CDH7: variants seen among roughly 807,000 people sequenced by gnomAD.
CDH7 encodes cadherin 7.
Under a neutral mutation model 71.8 loss-of-function variants are expected in CDH7, and 25 were observed. The ratio of observed to expected loss-of-function variants is 0.35; its 90% CI spans 0.25 to 0.49. The LOEUF (loss-of-function observed/expected upper bound fraction) is 0.49. Among genes scored for constraint, CDH7 ranks in the 20% least tolerant of loss-of-function variants. The pLI, the probability that CDH7 is intolerant of heterozygous loss-of-function variation, is 0.99. For synonymous variants in CDH7, 381 were observed against 363.8 expected (o/e 1.05, Z -0.54); for missense variants, 862 against 974.6 (o/e 0.88, Z 1.54).
At chr18:65,852,340 T>A (rs999775220) in intron 7 of CDH7, among the ~76,000 whole-genome samples, 6 of 152,180 alleles carry the variant, frequency 3.9e-5, no homozygotes, top group Non-Finnish European at 8.8e-5. Context: ...TATGCTTGCG[T>A]TAGTTAGAAA....
chr18:65,770,504 C>T (rs140233882), intron 2 of CDH7, among the ~76,000 whole-genome samples: 1,697 of 152,280 alleles, frequency 0.011, 9 homozygotes, highest in Non-Finnish European at 0.017. Flanking sequence ...ATCTAAACAA[C>T]TCATGGAATT....
At chr18:65,781,866 C>CTT (rs762734965) in intron 2 of CDH7, among the ~76,000 whole-genome samples, 717 of 59,584 alleles carry the variant, frequency 0.012, 74 homozygotes, top group African/African-American at 0.015. Flanking sequence ...TTCTTTCTTT[C>CTT]TCTCTCTCTC....
intron 11 of CDH7, among the ~76,000 whole-genome samples, chr18:65,879,581 T>C (rs1011066883): frequency 9.2e-5 from 14 of 152,212 alleles, no homozygotes; most frequent in African/African-American, 3.4e-4. Context: ...CTTATTTGTG[T>C]ATACTAGTGA....
chr18:65,819,040 C>A (rs1467634059), intron 4 of CDH7, among the ~76,000 whole-genome samples: 1 of 152,054 alleles, frequency 6.6e-6, no homozygotes, highest in Non-Finnish European at 1.5e-5. Flanking sequence ...AGTGAAAAAA[C>A]TGGTAGGAAC....
intron 4 of CDH7, among the ~76,000 whole-genome samples, chr18:65,820,954 T>TA (rs1007391652): frequency 2.6e-5 from 4 of 152,050 alleles, no homozygotes; most frequent in African/African-American, 4.8e-5. Flanking sequence ...GAGTCAAATT[T>TA]AAAAAAATAT....
intron 11 of CDH7, among the ~76,000 whole-genome samples, chr18:65,871,905 G>A (rs1415960793): frequency 6.6e-6 from 1 of 152,088 alleles, no homozygotes; most frequent in Non-Finnish European, 1.5e-5. Context: ...AGATTTAGAT[G>A]TCAGAGACAT....
At position 65,883,457 on chromosome 18, in the gene CDH7, G is replaced by C. The variant is rs1231419055; in HGVS notation, c.*2563G>C. The C allele has an allele frequency of 6.6e-6, 1 of 151,814 alleles. No homozygotes were observed. Among genetic ancestry groups the C allele is most frequent in the Non-Finnish European group, 1.5e-5 (1 of 67,880 alleles). 9.4% of individuals were successfully genotyped at this position (151,814 alleles called of 1,614,324 possible). A position where few individuals can be genotyped will look rare whatever the true frequency, so the allele number is the denominator to read the frequency against. Reference sequence around the variant, plus strand: ...AAAAACAGTGATTGAAGAGCTGATTGATAAAATTAATATTAAGTCTAGTTG... The same window carrying C: ...AAAAACAGTGATTGAAGAGCTGATTCATAAAATTAATATTAAGTCTAGTTG... On this transcript the variant is annotated 3_prime_UTR_variant, in exon 12 of 12. Transcript: ENST00000397968.
chr18:65,818,265 T>A (rs1040982431), intron 4 of CDH7, among the ~76,000 whole-genome samples: 1 of 152,200 alleles, frequency 6.6e-6, no homozygotes. Flanking sequence ...GAGTTTTTTC[T>A]TTTTTAATTT....
At chr18:65,867,252 G>A (rs1254142061) in intron 11 of CDH7, among the ~76,000 whole-genome samples, 3 of 151,954 alleles carry the variant, frequency 2.0e-5, no homozygotes, top group African/African-American at 7.2e-5. Flanking sequence ...AGCCAGGATG[G>A]TCTCGATCTC....
intron 11 of CDH7, among the ~76,000 whole-genome samples, chr18:65,875,246 A>G (rs1914040967): frequency 6.6e-6 from 1 of 152,168 alleles, no homozygotes; most frequent in Non-Finnish European, 1.5e-5. Flanking sequence ...ACAGTTCATA[A>G]TAGAATACAT....
intron 7 of CDH7, among the ~76,000 whole-genome samples, chr18:65,849,415 TTTTCTTTTC>T (rs1329206595): frequency 1.0e-4 from 13 of 128,088 alleles, no homozygotes; most frequent in African/African-American, 3.2e-4. Context: ...TTTTCTTTTC[TTTTCTTTTC>T]TTTCTTTTCT....
In CDH7 at chr18:65,853,158, T is replaced by C. The variant is rs145727722; in HGVS notation, c.1236-4658T>C. Among the ~76,000 whole-genome samples the C allele has an allele frequency of 1.8e-3, 279 of 152,292 alleles. 1 individual carries two copies. Among genetic ancestry groups the C allele is most frequent in the East Asian group, 3.1e-3 (16 of 5,174 alleles). On this transcript the variant is annotated intron_variant, in intron 7 of 11. Transcript: ENST00000397968. ...CTAAAGGAAGCCAAGTATTTTAGGC[T>C]GTAATTTGCAGAAGCTAGAGAGATT...
chr18:65,842,893 T>G (rs1055478341), intron 6 of CDH7, among the ~76,000 whole-genome samples: 1 of 152,012 alleles, frequency 6.6e-6, no homozygotes, highest in African/African-American at 2.4e-5. Context: ...TTTTACATCA[T>G]TAAATGTAAA....
chr18:65,857,705 CAG>C (rs1235346623), intron 7 of CDH7, 109 bp from the exon 8 acceptor site: 51 of 1,016,120 alleles, frequency 5.0e-5, no homozygotes, highest in Non-Finnish European at 4.4e-6. Context: ...TATGACAGAT[CAG>C]AGAGTCAGTA....
At chr18:65,856,030 G>A (rs946242856) in intron 7 of CDH7, among the ~76,000 whole-genome samples, 11 of 151,418 alleles carry the variant, frequency 7.3e-5, no homozygotes, top group African/African-American at 2.7e-4. Context: ...TGGCTCTCCC[G>A]CCGTAAGGAC....
At chr18:65,873,323 A>T (rs115453796) in intron 11 of CDH7, among the ~76,000 whole-genome samples, 2,350 of 152,326 alleles carry the variant, frequency 0.015, 54 homozygotes, top group African/African-American at 0.049. Flanking sequence ...ATGCAATTAG[A>T]GTATTCTGGT....
chr18:65,886,430 G>T lies in CDH7; in HGVS notation c.*5536G>T, dbSNP rs1048543137. ...AAATACAGTTATTTATAAGATCTCA[G>T]AAGATTGCAGTTTAACTCAACATAA... On this transcript the variant is annotated 3_prime_UTR_variant, in exon 12 of 12. Coordinates refer to ENST00000397968, the MANE Select transcript of CDH7 (RefSeq NM_004361.5). 6.6e-6 allele frequency: 1 copy of T among 151,956 alleles called. No homozygotes were observed. Among genetic ancestry groups the T allele is most frequent in the African/African-American group, 2.4e-5 (1 of 41,376 alleles). The allele number at this position is 151,956 out of a possible 1,614,324, so 9.4% of individuals were successfully genotyped here.
intron 2 of CDH7, among the ~76,000 whole-genome samples, chr18:65,806,346 G>A (rs1225046894): frequency 6.6e-6 from 1 of 151,424 alleles, no homozygotes; most frequent in African/African-American, 2.4e-5. Flanking sequence ...ACTTTGAAAA[G>A]GATTTAGGAA....
rs541826329 is a variant in CDH7 at position 65,793,418 on chromosome 18, C to CAAA, written c.211-16273_211-16271dup. On this transcript the variant is annotated intron_variant, in intron 2 of 11. Transcript: ENST00000397968. ...CCAGGGTAACAGCGACACCCAGTCT[C>CAAA]AAAAAAAAAAAAAAAGAGAGGGAGA... Among the ~76,000 whole-genome samples the CAAA allele has an allele frequency of 9.5e-3, 867 of 91,142 alleles. 8 individuals are homozygous for CAAA. Among genetic ancestry groups the CAAA allele is most frequent in the African/African-American group, 0.032 (833 of 25,768 alleles). The allele number at this position is 91,142 out of a possible 152,430, so 59.8% of individuals were successfully genotyped here.
Sources: allele counts gnomAD v4.1 joint callset (sites outside exome capture counted in the v4.1 genomes callset), GRCh38; gene constraint gnomAD v4.1.1; transcripts MANE v1.5; gene names NCBI Gene and HGNC (gene_info 2026-07-23, HGNC 2026-07-21).